The following CIMAP1A variants were observed in gnomAD, a reference collection of about 807,000 sequenced individuals.
CIMAP1A encodes the protein cancer/testis antigen 135.
At chr11:200,034 C>T in the CIMAP1A span, 31 of 1,613,824 alleles carry the variant, frequency 1.9e-5, no homozygotes, top group East Asian at 1.6e-4. Flanking sequence ...TGTGGAATAA[C>T]GCCAGCCCTG....
chr11:198,895 GA>G, the CIMAP1A span: 1 of 1,252,128 alleles, frequency 8.0e-7, no homozygotes, highest in Non-Finnish European at 1.0e-6. Flanking sequence ...AGAGGAGGAG[GA>G]AAAAATAAAC....
At chr11:198,343 G>C in the CIMAP1A span, 4 of 1,613,436 alleles carry the variant, frequency 2.5e-6, no homozygotes, top group Non-Finnish European at 3.4e-6. Context: ...TGGACCTGGG[G>C]ATCCTGGGTG....
chr11:200,210 A>T, the CIMAP1A span: 1 of 602,718 alleles, frequency 1.7e-6, no homozygotes, highest in Admixed American at 3.3e-5. Flanking sequence ...CCATTTTTTA[A>T]TCTTGTTTTC....
chr11:198,108 G>A, the CIMAP1A span: 23 of 1,555,032 alleles, frequency 1.5e-5, no homozygotes, highest in South Asian at 2.4e-5. Flanking sequence ...GAGGCCCCAC[G>A]CCTAGAATGT....
chr11:199,943 G>A, the CIMAP1A span: 1 of 1,614,040 alleles, frequency 6.2e-7, no homozygotes, highest in Non-Finnish European at 8.5e-7. Flanking sequence ...TCCTCTCCCA[G>A]GTGACCCTGA....
At chr11:197,699 T>C in the CIMAP1A span, 2 of 1,613,674 alleles carry the variant, frequency 1.2e-6, no homozygotes, top group East Asian at 2.2e-5. Context: ...GGCAAGGACC[T>C]TGGCCCTGCC....
At chr11:197,876 C>G in the CIMAP1A span, 2 of 1,486,678 alleles carry the variant, frequency 1.3e-6, no homozygotes, top group Non-Finnish European at 1.8e-6. Context: ...CATCCTGGCC[C>G]CTCCCGTCCC....
chr11:197,123 A>C, the CIMAP1A span: 1 of 539,758 alleles, frequency 1.9e-6, no homozygotes, highest in South Asian at 2.6e-5. Flanking sequence ...CCATGCAGAA[A>C]GCTCCTACTG....
At chr11:198,757 G>A in the CIMAP1A span, 4 of 1,445,298 alleles carry the variant, frequency 2.8e-6, no homozygotes, top group Admixed American at 2.8e-5. Flanking sequence ...TGGTGAGGAG[G>A]GGCAGGCAAC....
At chr11:199,724 C>A in the CIMAP1A span, 2 of 1,435,464 alleles carry the variant, frequency 1.4e-6, no homozygotes, top group Admixed American at 5.7e-5. Flanking sequence ...ACTAGGCCCA[C>A]AGGTAACCCT....
the CIMAP1A span, chr11:197,580 C>T: frequency 2.0e-5 from 33 of 1,613,278 alleles, no homozygotes; most frequent in Non-Finnish European, 2.8e-5. Flanking sequence ...AGCACACGCC[C>T]ACCAAGCTGC....
the CIMAP1A span, chr11:198,547 CGCA>C: frequency 6.2e-7 from 1 of 1,612,532 alleles, no homozygotes; most frequent in Non-Finnish European, 8.5e-7. Context: ...CATCAAGGGC[CGCA>C]GCAAGCTGGG....
the CIMAP1A span, chr11:200,160 G>A: frequency 1.2e-6 from 1 of 810,172 alleles, no homozygotes; most frequent in African/African-American, 1.7e-5. Context: ...ACGCTTGTTT[G>A]GGCAATTGTA....
chr11:199,761 C>G, the CIMAP1A span: 1 of 1,438,088 alleles, frequency 7.0e-7, no homozygotes. Context: ...AGAGACCCTG[C>G]CCTTTTCCCT....
chr11:198,107 C>T, the CIMAP1A span: 450 of 1,554,388 alleles, frequency 2.9e-4, 1 homozygote, highest in East Asian at 3.2e-4. Flanking sequence ...AGAGGCCCCA[C>T]GCCTAGAATG....
At chr11:197,653 C>T in the CIMAP1A span, 1 of 1,613,632 alleles carries the variant, frequency 6.2e-7, no homozygotes, top group Non-Finnish European at 8.5e-7. Flanking sequence ...CTCCCCAGGG[C>T]CCCGTTACAA....
the CIMAP1A span, chr11:199,607 C>A: frequency 2.5e-6 from 3 of 1,187,052 alleles, no homozygotes; most frequent in Non-Finnish European, 2.1e-6. Context: ...GGGACACAGA[C>A]GAGGGGAAAC....
At chr11:197,776 C>G in the CIMAP1A span, 4 of 1,612,056 alleles carry the variant, frequency 2.5e-6, no homozygotes, top group Non-Finnish European at 3.4e-6. Context: ...GTGACCCTGT[C>G]TCAGGCTCCT....
the CIMAP1A span, chr11:198,413 G>A: frequency 6.2e-7 from 1 of 1,613,156 alleles, no homozygotes; most frequent in African/African-American, 1.3e-5. Context: ...GAGCCCCAGG[G>A]AAGGAGCAGT....
Sources: gnomAD v4.1 joint callset for allele counts on GRCh38, gnomAD v4.1.1 for gene constraint, MANE v1.5 for transcripts, NCBI Gene and HGNC (gene_info 2026-07-23, HGNC 2026-07-21) for gene names.